Variants in FCGR2B observed in about 807,000 individuals in gnomAD.
FCGR2B encodes low affinity immunoglobulin gamma Fc region receptor II-b.
In FCGR2B, 18 loss-of-function variants were observed where a neutral mutation model predicts 24.8. The observed-to-expected ratio is 0.73, with a 90% CI of 0.50 to 1.08. FCGR2B has a LOEUF of 1.08. Among genes scored for constraint, FCGR2B ranks in the 50% least tolerant of loss-of-function variants. FCGR2B has a pLI of 0.00. For synonymous variants in FCGR2B, 79 were observed against 109.8 expected, an observed-to-expected ratio of 0.72 and a Z score of 1.75; for missense variants, 215 against 297.6, an observed-to-expected ratio of 0.72 and a Z score of 2.04.
At chr1:161,653,130 G>A in the FCGR2B span, among the ~76,000 whole-genome samples, 1 of 134,132 alleles carries the variant, frequency 7.5e-6, no homozygotes. Context: ...CTGGCTGGGC[G>A]TGGTGGCTCA....
chr1:161,654,867 CT>C, the FCGR2B span, among the ~76,000 whole-genome samples: 15 of 137,968 alleles, frequency 1.1e-4, no homozygotes, highest in Admixed American at 3.0e-4. Flanking sequence ...TGTGTATTAT[CT>C]GTTTTTTTTC....
chr1:161,677,618 C>T lies in FCGR2B; in HGVS notation c.*65C>T, dbSNP rs1428994948. 2 of 1,285,144 alleles carry T rather than the reference C, an allele frequency of 1.6e-6. No individual in the cohort carries two copies. The highest frequency in any genetic ancestry group is 1.2e-5 in the South Asian group (1 of 81,212). 79.6% of individuals were successfully genotyped at this position (1,285,144 alleles called of 1,614,324 possible). ...AGAGGGAAGATCTGGTATTTCCTGG[C>T]CTAAATTCCCCTTGGGGAGGACAGG... On this transcript the variant is annotated 3_prime_UTR_variant, in exon 8 of 8. Transcript: ENST00000358671.
intron 5 of FCGR2B, chr1:161,674,623 CT>C (rs1436849887): frequency 9.9e-6 from 2 of 202,126 alleles, no homozygotes; most frequent in Non-Finnish European, 2.0e-5. Flanking sequence ...ACTAATAGGA[CT>C]TACCTCAGAG....
chr1:161,661,404 C>G (rs1465551525), upstream of FCGR2B, among the ~76,000 whole-genome samples: 5 of 114,080 alleles, frequency 4.4e-5, no homozygotes, highest in Admixed American at 4.1e-4. Context: ...CTACCTGCTA[C>G]TTTTCCCTTA....
chr1:161,671,537 C>G lies in FCGR2B; in HGVS notation c.279C>G (p.Thr93=). The change falls in exon 3 of 8, where the codon ACC becomes ACG. Residue 93 remains threonine, a synonymous_variant. Coordinates refer to ENST00000358671, the MANE Select transcript of FCGR2B (RefSeq NM_001394477.1). ...QWFHNGNLIP[T]HTQPSYRFKA... ...TCCACAATGGGAATCTCATTCCCAC[C>G]CACACGCAGCCCAGCTACAGGTTCA... The G allele has an allele frequency of 6.2e-7, 1 of 1,614,194 alleles. No individual in the cohort carries two copies. Among genetic ancestry groups the G allele is most frequent in the African/African-American group, 1.3e-5 (1 of 75,044 alleles).
chr1:161,672,824 A>C (rs1226204545), intron 3 of FCGR2B, 151 bp from the exon 4 acceptor site: 1 of 1,261,508 alleles, frequency 7.9e-7, no homozygotes, highest in African/African-American at 1.5e-5. Flanking sequence ...AAGAGTTCAT[A>C]AATGACAGAG....
rs1216242322 is a variant in FCGR2B at position 161,671,624 on chromosome 1, C to T, written c.366C>T (p.Asp122=). Residue 122 remains aspartate (D), a synonymous_variant, in exon 3 of 8, where the codon GAC becomes GAT. Coordinates refer to ENST00000358671, the MANE Select transcript of FCGR2B (RefSeq NM_001394477.1). Reference sequence around the variant, plus strand: ...AGACTGGCCAGACCAGCCTCAGCGACCCTGTGCATCTGACTGTGCTTTCTG... The same window carrying T: ...AGACTGGCCAGACCAGCCTCAGCGATCCTGTGCATCTGACTGTGCTTTCTG... The part of the protein sequence containing the change: ...TCQTGQTSLS[D]PVHLTVLSEW... 6.2e-7 allele frequency: 1 copy of T among 1,613,710 alleles called. No homozygotes were observed. The highest frequency in any genetic ancestry group is 8.5e-7 in the Non-Finnish European group (1 of 1,179,778).
intron 6 of FCGR2B, 22 bp downstream of exon 6, chr1:161,675,335 G>C (rs780471590): frequency 6.6e-7 from 1 of 1,513,044 alleles, no homozygotes; most frequent in Non-Finnish European, 9.0e-7. Context: ...TTGTCTCAGG[G>C]ATTCAGTGAT....
the FCGR2B span, among the ~76,000 whole-genome samples, chr1:161,651,971 AAAAT>A: frequency 1.6e-5 from 2 of 123,630 alleles, 1 homozygote; most frequent in Non-Finnish European, 3.7e-5. Context: ...AAAATAAAAT[AAAAT>A]AAAGATCTAT....
In FCGR2B at chr1:161,671,678, C is replaced by A. The variant is rs551064879; in HGVS notation, c.391+29C>A. 1.4e-5 allele frequency: 23 copies of A among 1,611,374 alleles called. No individual in the cohort carries two copies. The South Asian group carries it at 2.4e-4, about 17-fold the overall frequency. ...AGTGGAGGAAGGCCCCAGGGTGGAC[C>A]TGGGAGGGCCAGGACGGATGAAATC... On this transcript the variant is annotated intron_variant, in intron 3 of 7. Transcript: ENST00000358671.
upstream of FCGR2B, among the ~76,000 whole-genome samples, chr1:161,661,270 G>T (rs1028449680): frequency 6.4e-5 from 8 of 124,060 alleles, 2 homozygotes; most frequent in African/African-American, 2.5e-4. Flanking sequence ...AAGGAAGGAA[G>T]CAAGAAAGGA....
chr1:161,647,762 G>C, the FCGR2B span, among the ~76,000 whole-genome samples: 1 of 150,936 alleles, frequency 6.6e-6, no homozygotes, highest in Admixed American at 6.6e-5. Flanking sequence ...GGGCAGTAGA[G>C]AACAGCAAAC....
intron 6 of FCGR2B, chr1:161,677,072 T>G: frequency 2.0e-6 from 1 of 505,220 alleles, no homozygotes. Context: ...AGCTCAGCAA[T>G]TCCCTGAAAA....
the FCGR2B span, among the ~76,000 whole-genome samples, chr1:161,649,630 A>G: frequency 1.3e-4 from 19 of 150,442 alleles, 1 homozygote; most frequent in East Asian, 1.9e-3. Flanking sequence ...TCTGCCATTA[A>G]AGGACACGGA....
chr1:161,677,511 C>T lies in FCGR2B; in HGVS notation c.891C>T (p.His297=), dbSNP rs115842547. ...CAATCACCTATTCACTTCTCATGCACCCGGATGCTCTGGAAGAGCCTGATG... is the reference window on the plus strand; with the variant it reads ...CAATCACCTATTCACTTCTCATGCATCCGGATGCTCTGGAAGAGCCTGATG... ...ENTITYSLLM[H]PDALEEPDDQ... Residue 297 remains histidine, a synonymous_variant, in exon 8 of 8, where the codon CAC becomes CAT. Coordinates refer to ENST00000358671, the MANE Select transcript of FCGR2B (RefSeq NM_001394477.1). The T allele has an allele frequency of 7.3e-5, 118 of 1,614,074 alleles. No homozygotes were observed. The highest frequency in any genetic ancestry group is 4.8e-4 in the Admixed American group (29 of 59,990).
chr1:161,675,583 A>G, intron 6 of FCGR2B: 1 of 372,208 alleles, frequency 2.7e-6, no homozygotes, highest in Non-Finnish European at 4.8e-6. Flanking sequence ...ATCTGGTGAT[A>G]TTTCCAGAGC....
intron 1 of FCGR2B, among the ~76,000 whole-genome samples, chr1:161,669,572 CACAAA>C (rs1681501263): frequency 9.6e-6 from 1 of 104,196 alleles, no homozygotes; most frequent in Admixed American, 1.0e-4. Context: ...CCTGTCCCCC[CACAAA>C]ATAAAATAAA....
intron 3 of FCGR2B, 144 bp downstream of exon 3, chr1:161,671,793 T>C: frequency 2.7e-6 from 4 of 1,473,458 alleles, no homozygotes; most frequent in South Asian, 1.4e-5. Context: ...TCAGTGGTTG[T>C]TTTTGCCTCA....
intron 2 of FCGR2B, 61 bp from the exon 3 acceptor site, chr1:161,671,331 A>C (rs1681636241): frequency 1.9e-6 from 3 of 1,612,766 alleles, no homozygotes; most frequent in Admixed American, 3.3e-5. Flanking sequence ...TCTGAGATTC[A>C]GGGCCTCTCA....
Sources: allele counts gnomAD v4.1 joint callset (sites outside exome capture counted in the v4.1 genomes callset), GRCh38; gene constraint gnomAD v4.1.1; transcripts MANE v1.5; gene names NCBI Gene and HGNC (gene_info 2026-07-23, HGNC 2026-07-21).